The following MSH6 variants were observed in gnomAD, a reference collection of about 807,000 sequenced individuals.
The protein encoded by MSH6 is mutS homolog 6, also known as DNA mismatch repair protein Msh6.
Under a neutral mutation model 119.1 loss-of-function variants are expected in MSH6, and 85 were observed. The ratio of observed to expected loss-of-function variants is 0.71; its 90% CI spans 0.60 to 0.85. The LOEUF (loss-of-function observed/expected upper bound fraction) is 0.85, where lower values mean the gene tolerates loss of function less well. Ranked by LOEUF, MSH6 falls within the 40% of genes least tolerant of loss-of-function variation. The pLI, the probability that MSH6 is intolerant of heterozygous loss-of-function variation, is 0.00. For missense variants in MSH6, 2,163 were observed against 1,655.3 expected (o/e 1.31, Z -5.32); for synonymous variants, 830 against 586.9 (o/e 1.41, Z -5.99).
chr2:47,806,645 T>TATTTC lies in MSH6; in HGVS notation c.3996_4000dup (p.Arg1334HisfsTer14), dbSNP rs587779301. 1.9e-6 allele frequency: 3 copies of TATTTC among 1,609,702 alleles called. No individual in the cohort carries two copies. Among genetic ancestry groups the TATTTC allele is most frequent in the Non-Finnish European group, 2.5e-6 (3 of 1,178,886 alleles). ...GAGAAGATGAATCAGTCACTACGATTATTTCGGTAACTAACTAACTATAAT... is the reference window on the plus strand; with the variant it reads ...GAGAAGATGAATCAGTCACTACGATTATTTCATTTCGGTAACTAACTAACTATAAT... On this transcript the variant is annotated frameshift_variant, in exon 9 of 10. Coordinates refer to ENST00000234420, the MANE Select transcript of MSH6 (RefSeq NM_000179.3). LOFTEE classifies it high-confidence loss of function.
rs1166934195 is a variant in MSH6 at position 47,789,450 on chromosome 2, A to T, written c.261-1477A>T. 4 of 464,736 alleles carry T rather than the reference A, an allele frequency of 8.6e-6. No homozygotes were observed. The East Asian group carries it at 2.5e-4, about 29-fold the overall frequency. The allele number at this position is 464,736 out of a possible 1,614,324, so 28.8% of individuals were successfully genotyped here. A position where few individuals can be genotyped will look rare whatever the true frequency, so the allele number is the denominator to read the frequency against. Reference sequence around the variant, plus strand: ...AGGATGCACATTTATCCTGTAAACAAATGGAAGACATTATTTTTTTAATTG... The same window carrying T: ...AGGATGCACATTTATCCTGTAAACATATGGAAGACATTATTTTTTTAATTG... On this transcript the variant is annotated intron_variant, in intron 1 of 9. Coordinates refer to ENST00000234420, the MANE Select transcript of MSH6 (RefSeq NM_000179.3).
chr2:47,788,906 C>CTTTTTTT (rs1491155839), intron 1 of MSH6, among the ~76,000 whole-genome samples: 222 of 15,800 alleles, frequency 0.014, 35 homozygotes, highest in Middle Eastern at 0.12. Flanking sequence ...CTTTCTTCTT[C>CTTTTTTT]CTTTTTTTTT....
In MSH6 at chr2:47,799,875, C is replaced by A. The variant is rs1159989759; in HGVS notation, c.1892C>A (p.Ser631Tyr). Residue 631 changes from serine to tyrosine, a missense_variant, in exon 4 of 10, where the codon TCC becomes TAC. Physicochemically the swap from Ser to Tyr is moderately radical, Grantham distance 144. Coordinates refer to ENST00000234420, the MANE Select transcript of MSH6 (RefSeq NM_000179.3). ...CCCGGCTCCCAGTTTTGGGATGCAT[C>A]CAAAACTTTGAGAACTCTCCTTGAG... The part of the protein sequence containing the change: ...LIPGSQFWDA[S>Y]KTLRTLLEEE... 6.2e-7 allele frequency: 1 copy of A among 1,614,104 alleles called. No individual in the cohort carries two copies. The highest frequency in any genetic ancestry group is 8.5e-7 in the Non-Finnish European group (1 of 1,180,032).
At chr2:47,785,758 A>G (rs1328106691) in intron 1 of MSH6, among the ~76,000 whole-genome samples, 1 of 152,244 alleles carries the variant, frequency 6.6e-6, no homozygotes, top group East Asian at 1.9e-4. Context: ...TTACTTGAGC[A>G]TGAATTGATT....
chr2:47,797,571 CT>C (rs1021792873), intron 3 of MSH6, among the ~76,000 whole-genome samples: 7 of 152,270 alleles, frequency 4.6e-5, no homozygotes, highest in African/African-American at 1.7e-4. Flanking sequence ...ATATCGCCTC[CT>C]GATATTTATG....
Position 47,798,785 on chromosome 2 carries a change from G to A in MSH6, c.802G>A (p.Asp268Asn), listed in dbSNP as rs1553412217. The A allele has an allele frequency of 1.2e-6, 2 of 1,614,162 alleles. No homozygotes were observed. The highest frequency in any genetic ancestry group is 1.7e-6 in the Non-Finnish European group (2 of 1,180,036). Residue 268 changes from aspartate (D) to asparagine (N), a missense_variant, in exon 4 of 10, where the codon GAC becomes AAC. Transcript: ENST00000234420. ...IGGSDVEFKPDTKEEGSSDEI... is the reference protein window; with the variant it reads ...IGGSDVEFKPNTKEEGSSDEI... ...TGGCTCTGATGTGGAATTTAAGCCA[G>A]ACACTAAGGAGGAAGGAAGCAGTGA...
chr2:47,793,038 G>A (rs1668839262), intron 2 of MSH6, among the ~76,000 whole-genome samples: 3 of 151,298 alleles, frequency 2.0e-5, no homozygotes, highest in Non-Finnish European at 2.9e-5. Context: ...GGTTGCACTG[G>A]GGCCGGGCAT....
chr2:47,807,072 A>C (rs903446296), downstream of MSH6: 5 of 557,762 alleles, frequency 9.0e-6, no homozygotes, highest in African/African-American at 1.9e-5. Flanking sequence ...ACATGCATAC[A>C]CTTTCAGGCT....
At chr2:47,797,794 A>G (rs1195496370) in intron 3 of MSH6, 2 of 208,384 alleles carry the variant, frequency 9.6e-6, no homozygotes, top group African/African-American at 4.7e-5. Flanking sequence ...CTTCATAGTA[A>G]AACAAAAGAT....
At chr2:47,792,277 A>C (rs1256654309) in intron 2 of MSH6, among the ~76,000 whole-genome samples, 1 of 151,946 alleles carries the variant, frequency 6.6e-6, no homozygotes, top group African/African-American at 2.4e-5. Context: ...ACGTTGTCGT[A>C]CTCGGTGTTG....
At position 47,801,429 on chromosome 2, in the gene MSH6, C is replaced by T. The variant is rs1195709222; in HGVS notation, c.3172+274C>T. On this transcript the variant is annotated intron_variant, in intron 4 of 9. Transcript: ENST00000234420. ...TGTTGCCCAGGCTAGAATATGGTGA[C>T]ACAACCATGGCTACTGCAGCCTCGA... 9 of 340,762 alleles carry T rather than the reference C, an allele frequency of 2.6e-5. No individual in the cohort carries two copies. In the East Asian group the frequency reaches 3.0e-4, roughly 11 times the overall value. The allele number at this position is 340,762 out of a possible 1,614,324, so 21.1% of individuals were successfully genotyped here.
rs370947877 is a variant in MSH6 at position 47,806,247 on chromosome 2, A to G, written c.3690A>G (p.Ala1230=). ...ATFDGTAIAN[A]VVKELAETIK... ...TTGATGGGACGGCAATAGCAAATGC[A>G]GTTGTTAAAGAACTTGCTGAGACTA... is the stretch of plus-strand genomic sequence containing the variant. The change falls in exon 8 of 10, where the codon GCA becomes GCG. Residue 1230 remains alanine (A), a synonymous_variant. Coordinates refer to ENST00000234420, the MANE Select transcript of MSH6 (RefSeq NM_000179.3). The G allele has an allele frequency of 6.2e-7, 1 of 1,614,100 alleles. No individual in the cohort carries two copies. The highest frequency in any genetic ancestry group is 1.1e-5 in the South Asian group (1 of 91,076).
intron 1 of MSH6, 75 bp from the exon 2 acceptor site, chr2:47,790,852 T>C: frequency 7.5e-7 from 1 of 1,328,966 alleles, no homozygotes; most frequent in Non-Finnish European, 1.1e-6. Flanking sequence ...CTTGGAATTG[T>C]TTATTTGTAG....
At chr2:47,808,287 G>A (rs1022818795), downstream of MSH6, 9 of 1,612,398 alleles carry the variant, frequency 5.6e-6, no homozygotes, top group African/African-American at 1.3e-5. Flanking sequence ...AAAGTGAGGG[G>A]GAAAGTAATT....
Position 47,806,637 on chromosome 2 carries a change from A to ACTACGATTATTT in MSH6, c.3989_4000dup (p.Leu1330_Phe1333dup). On this transcript the variant is annotated inframe_insertion, in exon 9 of 10. Transcript: ENST00000234420. Reference sequence around the variant, plus strand: ...GAGAATTTGAGAAGATGAATCAGTCACTACGATTATTTCGGTAACTAACTA... The same window carrying ACTACGATTATTT: ...GAGAATTTGAGAAGATGAATCAGTCACTACGATTATTTCTACGATTATTTCGGTAACTAACTA... 1.2e-6 allele frequency: 2 copies of ACTACGATTATTT among 1,610,700 alleles called. No homozygotes were observed. Among genetic ancestry groups the ACTACGATTATTT allele is most frequent in the Non-Finnish European group, 1.7e-6 (2 of 1,179,168 alleles).
In MSH6 at chr2:47,800,948, A is replaced by T. The variant is rs1669533426; in HGVS notation, c.2965A>T (p.Asn989Tyr). ...AATTCCTGAGAATTTCACCACTCGCAATTTGCCAGAAGAATACGAGTTGAA... is the reference window on the plus strand; with the variant it reads ...AATTCCTGAGAATTTCACCACTCGCTATTTGCCAGAAGAATACGAGTTGAA... Reference protein sequence around the residue: ...LEIPENFTTRNLPEEYELKST... With the variant: ...LEIPENFTTRYLPEEYELKST... Residue 989 changes from asparagine to tyrosine, a missense_variant, in exon 4 of 10, where the codon AAT becomes TAT. Asn to Tyr is a moderately radical substitution (Grantham distance 143). Transcript: ENST00000234420. The T allele has an allele frequency of 6.4e-7, 1 of 1,571,470 alleles. No homozygotes were observed. The highest frequency in any genetic ancestry group is 1.4e-5 in the African/African-American group (1 of 73,328).
downstream of MSH6, chr2:47,808,058 C>T: frequency 6.9e-7 from 1 of 1,448,570 alleles, no homozygotes; most frequent in South Asian, 1.2e-5. Context: ...AATCTTCTTC[C>T]AAAAAAGTGT....
Position 47,800,578 on chromosome 2 carries a change from C to A in MSH6, c.2595C>A (p.Phe865Leu), listed in dbSNP as rs757202837. 2 of 1,613,940 alleles carry A rather than the reference C, an allele frequency of 1.2e-6. No homozygotes were observed. Among genetic ancestry groups the A allele is most frequent in the South Asian group, 2.2e-5 (2 of 91,058 alleles). The change falls in exon 4 of 10, where the codon TTC (phenylalanine) becomes TTA (leucine). Residue 865 changes from phenylalanine to leucine, a missense_variant. Phe to Leu is a conservative substitution (Grantham distance 22). Coordinates refer to ENST00000234420, the MANE Select transcript of MSH6 (RefSeq NM_000179.3). The stretch of plus-strand genomic sequence containing the variant: ...ATTTTCTTTCTGCTCTGGAAGGATT[C>A]AAAGTAATGTGTAAAATTATAGGGA... ...IIDFLSALEGFKVMCKIIGIM... is the reference protein window; with the variant it reads ...IIDFLSALEGLKVMCKIIGIM...
In MSH6 at chr2:47,806,359, G is replaced by T. The variant is rs876660943; in HGVS notation, c.3801+1G>T. 6.2e-7 allele frequency: 1 copy of T among 1,613,974 alleles called. No individual in the cohort carries two copies. Among genetic ancestry groups the T allele is most frequent in the Non-Finnish European group, 8.5e-7 (1 of 1,179,998 alleles). On this transcript the variant is annotated splice_donor_variant, in intron 8 of 9. Transcript: ENST00000234420. LOFTEE classifies it high-confidence loss of function. ...TGTTGCTGTGCGCCTAGGACATATG[G>T]TATGTGCAAATTGTTTTTTTCCACA... is the stretch of plus-strand genomic sequence containing the variant.
Sources: gnomAD v4.1 joint callset for allele counts (sites outside exome capture counted in the v4.1 genomes callset) on GRCh38, gnomAD v4.1.1 for gene constraint, MANE v1.5 for transcripts, NCBI Gene and HGNC (gene_info 2026-07-23, HGNC 2026-07-21) for gene names.